Variants in TRIM9 observed in about 807,000 individuals in gnomAD.
The protein encoded by TRIM9 is E3 ubiquitin-protein ligase TRIM9.
TRIM9 carries 26 observed loss-of-function variants against 78.3 expected under a neutral mutation model. The observed-to-expected ratio is 0.33, with a 90% CI of 0.24 to 0.46. TRIM9 has a LOEUF of 0.46. TRIM9 is among the 20% of genes least tolerant of loss of function. The pLI, the probability that TRIM9 is intolerant of heterozygous loss-of-function variation, is 1.00. For missense variants in TRIM9, 787 were observed against 1,036.4 expected (o/e 0.76, Z 3.30); for synonymous variants, 398 against 416.5 (o/e 0.96, Z 0.54).
chr14:51,080,436 AACACACACAC>A (rs34062978), intron 1 of TRIM9, among the ~76,000 whole-genome samples: 29,046 of 143,850 alleles, frequency 0.2, 3,212 homozygotes, highest in Non-Finnish European at 0.26. Flanking sequence ...AGTTTTATTG[AACACACACAC>A]ACACACACAC....
chr14:51,069,091 A>T (rs1368092341), intron 1 of TRIM9, among the ~76,000 whole-genome samples: 1 of 152,222 alleles, frequency 6.6e-6, no homozygotes, highest in Non-Finnish European at 1.5e-5. Flanking sequence ...TAATAAGAAT[A>T]AAGGAAGAAT....
rs374460582 is a variant in TRIM9, at chr14:51,009,045, T to C, written c.1306+35A>G. 7.4e-5 allele frequency: 119 copies of C among 1,609,162 alleles called. 1 individual carries two copies. In the African/African-American group the frequency reaches 1.5e-3, roughly 20 times the overall value. Reference sequence around the variant, plus strand: ...TTCAAGCACCAGCATCCACTCAGGATGTTGCTCTCTGACTTGGGGGATGCA... The same window carrying C: ...TTCAAGCACCAGCATCCACTCAGGACGTTGCTCTCTGACTTGGGGGATGCA... On this transcript the variant is annotated intron_variant, in intron 5 of 12. Coordinates refer to ENST00000684578, the MANE Select transcript of TRIM9 (RefSeq NM_001387360.1).
intron 3 of TRIM9, among the ~76,000 whole-genome samples, chr14:51,015,781 C>T (rs113712294): frequency 8.0e-4 from 122 of 152,236 alleles, no homozygotes; most frequent in African/African-American, 2.5e-3. Flanking sequence ...ATTGGGATTA[C>T]AGGCGTGAGC....
chr14:51,000,009 G>A (rs1051626761), intron 6 of TRIM9, among the ~76,000 whole-genome samples: 8 of 152,172 alleles, frequency 5.3e-5, no homozygotes, highest in African/African-American at 1.9e-4. Context: ...ACCTTGGGAA[G>A]GTAGCAATCT....
At chr14:51,071,910 T>C (rs1596310380) in intron 1 of TRIM9, among the ~76,000 whole-genome samples, 1 of 152,184 alleles carries the variant, frequency 6.6e-6, no homozygotes, top group African/African-American at 2.4e-5. Context: ...CTGTTTGCCA[T>C]GGGCCCAGAA....
chr14:51,062,841 C>G (rs1193833590), intron 1 of TRIM9, among the ~76,000 whole-genome samples: 1 of 152,188 alleles, frequency 6.6e-6, no homozygotes, highest in African/African-American at 2.4e-5. Flanking sequence ...ATATCTGCAT[C>G]TGCCAAGTGA....
intron 8 of TRIM9, among the ~76,000 whole-genome samples, chr14:50,984,079 C>T (rs1412974064): frequency 6.6e-6 from 1 of 152,086 alleles, no homozygotes; most frequent in Admixed American, 6.5e-5. Context: ...AACCATCTCC[C>T]TTCCTTAAGA....
At chr14:51,058,647 ACAGCTGC>A (rs146051303) in intron 1 of TRIM9, among the ~76,000 whole-genome samples, 29,703 of 151,974 alleles carry the variant, frequency 0.2, 3,014 homozygotes, top group Non-Finnish European at 0.23. Context: ...CCCCAAGACC[ACAGCTGC>A]CTAGACCTCC....
chr14:51,073,827 G>T (rs749588004), intron 1 of TRIM9, among the ~76,000 whole-genome samples: 5 of 152,110 alleles, frequency 3.3e-5, no homozygotes, highest in Non-Finnish European at 5.9e-5. Context: ...TTTTGCAGCT[G>T]CAGGCTTACA....
intron 7 of TRIM9, among the ~76,000 whole-genome samples, chr14:50,995,559 A>G (rs2054098914): frequency 6.6e-6 from 1 of 152,256 alleles, no homozygotes; most frequent in Non-Finnish European, 1.5e-5. Flanking sequence ...GTGAAAGCTC[A>G]CAGAGTACAA....
At chr14:51,022,771 T>C in intron 3 of TRIM9, 64 bp downstream of exon 3, 3 of 1,601,174 alleles carry the variant, frequency 1.9e-6, no homozygotes, top group Non-Finnish European at 2.6e-6. Context: ...TCCCAGCCTG[T>C]CCATCATGCC....
At chr14:50,982,720 C>T (rs1467888642) in intron 10 of TRIM9, 6 of 510,750 alleles carry the variant, frequency 1.2e-5, no homozygotes, top group South Asian at 3.4e-5. Flanking sequence ...GCGTGCTACT[C>T]CTGAAACTAA....
intron 7 of TRIM9, chr14:50,996,147 T>G (rs950839288): frequency 1.1e-5 from 11 of 985,224 alleles, no homozygotes; most frequent in Non-Finnish European, 1.3e-5. Context: ...GATATCTATA[T>G]GATGATAGGC....
chr14:51,094,152 A>G lies in TRIM9; in HGVS notation c.788T>C (p.Val263Ala), dbSNP rs780847655. 4 of 1,613,836 alleles carry G rather than the reference A, an allele frequency of 2.5e-6. No individual in the cohort carries two copies. In the Admixed American group the frequency reaches 6.7e-5, roughly 27 times the overall value. The change falls in exon 1 of 13, where the codon GTC becomes GCC. Residue 263 changes from valine (V) to alanine (A), a missense_variant. Transcript: ENST00000684578. Reference protein sequence around the residue: ...LEEGKHSSHEVKALGAMWKLH... With the variant: ...LEEGKHSSHEAKALGAMWKLH... ...TTTCCACATGGCCCCCAGAGCCTTG[A>G]CTTCGTGGCTGGAGTGTTTGCCCTC...
chr14:51,049,162 A>C (rs1286195410), intron 1 of TRIM9, among the ~76,000 whole-genome samples: 3 of 152,046 alleles, frequency 2.0e-5, no homozygotes, highest in Non-Finnish European at 4.4e-5. Context: ...CCCAGGTTTA[A>C]GTGATTCTCC....
chr14:50,984,912 A>T (rs901592390), intron 8 of TRIM9, among the ~76,000 whole-genome samples: 2 of 152,220 alleles, frequency 1.3e-5, no homozygotes, highest in Non-Finnish European at 2.9e-5. Flanking sequence ...GAAAAACAAT[A>T]AGAAACATAA....
chr14:51,014,562 A>C (rs1319741090), intron 3 of TRIM9, among the ~76,000 whole-genome samples: 5 of 152,236 alleles, frequency 3.3e-5, no homozygotes, highest in African/African-American at 1.2e-4. Context: ...TAATTAACTT[A>C]GAGTTTCTGA....
intron 7 of TRIM9, among the ~76,000 whole-genome samples, chr14:50,995,773 GAAA>G (rs71121617): frequency 6.8e-6 from 1 of 147,642 alleles, no homozygotes; most frequent in Admixed American, 6.7e-5. Context: ...TACCAGCAAA[GAAA>G]AAAAAAATCT....
chr14:51,066,685 C>G (rs1243183453), intron 1 of TRIM9, among the ~76,000 whole-genome samples: 1 of 152,198 alleles, frequency 6.6e-6, no homozygotes, highest in East Asian at 1.9e-4. Context: ...ATTCAAAGCA[C>G]TCCAGTCTGC....
Sources: gnomAD v4.1 joint callset for allele counts (sites outside exome capture counted in the v4.1 genomes callset) on GRCh38, gnomAD v4.1.1 for gene constraint, MANE v1.5 for transcripts, NCBI Gene and HGNC (gene_info 2026-07-23, HGNC 2026-07-21) for gene names.